The following SAXO1 variants were observed in gnomAD, a reference collection of about 807,000 sequenced individuals.
SAXO1 encodes the protein stabilizer of axonemal microtubules 1.
In SAXO1, 21 loss-of-function variants were observed where a neutral mutation model predicts 17.5. The observed-to-expected ratio is 1.20, with a 90% CI of 0.85 to 1.72. The LOEUF (loss-of-function observed/expected upper bound fraction) is 1.72. Ranked by LOEUF, SAXO1 falls within the 40% of genes most tolerant of loss-of-function variation. The pLI, the probability that SAXO1 is intolerant of heterozygous loss-of-function variation, is 0.00. For missense variants in SAXO1, 843 were observed against 596.0 expected, an observed-to-expected ratio of 1.41 and a Z score of -4.32; for synonymous variants, 274 against 216.5, an observed-to-expected ratio of 1.27 and a Z score of -2.33.
chr9:19,001,786 G>A (rs1205280080), intron 1 of SAXO1, among the ~76,000 whole-genome samples: 1 of 152,034 alleles, frequency 6.6e-6, no homozygotes, highest in Non-Finnish European at 1.5e-5. Flanking sequence ...GCCCATAAGA[G>A]AAAGCATGAA....
intron 2 of SAXO1, among the ~76,000 whole-genome samples, chr9:18,946,647 G>GA (rs142626246): frequency 1.9e-4 from 28 of 145,606 alleles, no homozygotes; most frequent in Admixed American, 7.6e-4. Context: ...GCTCAAAAAA[G>GA]AAAAAAAAAA....
intron 1 of SAXO1, among the ~76,000 whole-genome samples, chr9:19,013,150 G>C (rs1455153871): frequency 6.6e-6 from 1 of 152,068 alleles, no homozygotes. Context: ...AAAGGAATTT[G>C]TGAAAGACTA....
upstream of SAXO1, among the ~76,000 whole-genome samples, chr9:19,034,461 CA>C (rs1397670324): frequency 3.3e-5 from 5 of 152,132 alleles, no homozygotes; most frequent in Admixed American, 2.6e-4. Flanking sequence ...ATTCAAATTT[CA>C]GTGTCTGTGA....
chr9:19,022,385 G>A (rs1835280753), intron 1 of SAXO1, among the ~76,000 whole-genome samples: 1 of 152,204 alleles, frequency 6.6e-6, no homozygotes, highest in Non-Finnish European at 1.5e-5. Flanking sequence ...TCCACCAGAA[G>A]GAACCAATTC....
At chr9:18,944,171 G>A (rs1366321542) in intron 2 of SAXO1, among the ~76,000 whole-genome samples, 1 of 150,650 alleles carries the variant, frequency 6.6e-6, no homozygotes, top group Non-Finnish European at 1.5e-5. Context: ...TTAATTTATT[G>A]ATCAGCCATA....
intron 1 of SAXO1, among the ~76,000 whole-genome samples, chr9:19,010,323 G>A (rs1045578820): frequency 6.6e-6 from 1 of 152,050 alleles, no homozygotes; most frequent in East Asian, 1.9e-4. Flanking sequence ...TTTAGGGCTG[G>A]AACCCACATT....
intron 1 of SAXO1, among the ~76,000 whole-genome samples, chr9:19,044,719 T>C (rs569287924): frequency 1.7e-3 from 249 of 150,530 alleles, no homozygotes; most frequent in African/African-American, 5.6e-3. Context: ...AAAAATTAGC[T>C]GGGTGTGGTG....
chr9:18,998,050 T>A (rs947848269), intron 1 of SAXO1, among the ~76,000 whole-genome samples: 2 of 152,090 alleles, frequency 1.3e-5, no homozygotes, highest in African/African-American at 4.8e-5. Flanking sequence ...AAAACCAGAA[T>A]GCCCTTTCTC....
intron 1 of SAXO1, among the ~76,000 whole-genome samples, chr9:18,972,732 G>T (rs1588462289): frequency 1.3e-5 from 2 of 152,172 alleles, no homozygotes; most frequent in Non-Finnish European, 2.9e-5. Flanking sequence ...GCCTCCTCCA[G>T]CTTCTACAAA....
At chr9:19,014,329 G>C (rs1339351334) in intron 1 of SAXO1, among the ~76,000 whole-genome samples, 2 of 151,752 alleles carry the variant, frequency 1.3e-5, no homozygotes, top group African/African-American at 4.8e-5. Flanking sequence ...GGGCGTGGGG[G>C]TGGGCACCTG....
At chr9:18,954,415 C>A (rs1169008593) in intron 1 of SAXO1, among the ~76,000 whole-genome samples, 1 of 152,004 alleles carries the variant, frequency 6.6e-6, no homozygotes, top group Admixed American at 6.6e-5. Context: ...CAGCTCACTG[C>A]AGCCTCGACC....
intron 2 of SAXO1, among the ~76,000 whole-genome samples, chr9:18,949,484 G>A (rs1190694964): frequency 6.6e-6 from 1 of 152,082 alleles, no homozygotes; most frequent in Admixed American, 6.6e-5. Flanking sequence ...TAAGTGGCCT[G>A]ATTCAAGTCA....
chr9:19,027,270 G>A (rs778019572), intron 1 of SAXO1: 260 of 989,398 alleles, frequency 2.6e-4, no homozygotes, highest in Non-Finnish European at 4.1e-4. Flanking sequence ...GGTGGATGTT[G>A]AAAAGCTAAA....
At chr9:19,030,638 G>A (rs924600298) in intron 1 of SAXO1, among the ~76,000 whole-genome samples, 1 of 151,978 alleles carries the variant, frequency 6.6e-6, no homozygotes, top group Non-Finnish European at 1.5e-5. Flanking sequence ...CCCAGCAGGC[G>A]GAGGTTGCAG....
At position 18,977,849 on chromosome 9, in the gene SAXO1, A is replaced by G. The variant is rs1031625924; in HGVS notation, c.39-26912T>C. Among the ~76,000 whole-genome samples the G allele has an allele frequency of 3.9e-4, 59 of 151,988 alleles. No individual in the cohort carries two copies. In the Middle Eastern group the frequency reaches 0.01, roughly 26 times the overall value. ...TCTCTACCAAAAAATACAAAAATTT[A>G]CTTGGCATGATGGAGCGTGCCTGTA... On this transcript the variant is annotated intron_variant, in intron 1 of 3. Coordinates refer to ENST00000380534, the MANE Select transcript of SAXO1 (RefSeq NM_153707.4).
At chr9:19,008,278 T>C (rs1244603554) in intron 1 of SAXO1, among the ~76,000 whole-genome samples, 4 of 152,166 alleles carry the variant, frequency 2.6e-5, no homozygotes, top group Non-Finnish European at 5.9e-5. Flanking sequence ...ATGCCCAGCC[T>C]ACCTGGTCCT....
At chr9:19,000,586 G>C (rs186535561) in intron 1 of SAXO1, among the ~76,000 whole-genome samples, 1 of 152,246 alleles carries the variant, frequency 6.6e-6, no homozygotes, top group East Asian at 1.9e-4. Context: ...TCTGGGAAGA[G>C]AGAAGCACCT....
chr9:18,958,377 T>A (rs1459743561), intron 1 of SAXO1, among the ~76,000 whole-genome samples: 1 of 152,044 alleles, frequency 6.6e-6, no homozygotes, highest in Non-Finnish European at 1.5e-5. Context: ...TGAGTCGAGA[T>A]AGCAACACTG....
At chr9:18,981,977 C>G (rs1833405797) in intron 1 of SAXO1, among the ~76,000 whole-genome samples, 1 of 152,172 alleles carries the variant, frequency 6.6e-6, no homozygotes, top group Non-Finnish European at 1.5e-5. Context: ...GAAGAAAACA[C>G]CATCCCAGCA....
Sources: gnomAD v4.1 joint callset for allele counts (sites outside exome capture counted in the v4.1 genomes callset) on GRCh38, gnomAD v4.1.1 for gene constraint, MANE v1.5 for transcripts, NCBI Gene and HGNC (gene_info 2026-07-23, HGNC 2026-07-21) for gene names.